Variants in BTRC observed in about 807,000 individuals in gnomAD.
BTRC encodes the protein F-box/WD repeat-containing protein 1A.
Under a neutral mutation model 85.5 loss-of-function variants are expected in BTRC, and 42 were observed. The ratio of observed to expected loss-of-function variants is 0.49; its 90% CI spans 0.38 to 0.64. The LOEUF is 0.64. Among genes scored for constraint, BTRC ranks in the 30% least tolerant of loss-of-function variants. The pLI is 0.00. For missense variants in BTRC, 594 were observed against 743.5 expected (o/e 0.80, Z 2.34); for synonymous variants, 255 against 263.3 (o/e 0.97, Z 0.30).
intron 1 of BTRC, among the ~76,000 whole-genome samples, chr10:101,399,233 G>A (rs1288747503): frequency 6.6e-6 from 1 of 151,720 alleles, no homozygotes; most frequent in African/African-American, 2.4e-5. Context: ...GGGATTACAG[G>A]CGTGAGCCAT....
At chr10:101,449,513 A>G (rs1455745596) in intron 2 of BTRC, among the ~76,000 whole-genome samples, 1 of 152,118 alleles carries the variant, frequency 6.6e-6, no homozygotes, top group African/African-American at 2.4e-5. Context: ...TCTGGATGAA[A>G]TATTTTTGTA....
chr10:101,504,007 A>T (rs1333851090), intron 4 of BTRC, among the ~76,000 whole-genome samples: 1 of 152,142 alleles, frequency 6.6e-6, no homozygotes, highest in Non-Finnish European at 1.5e-5. Context: ...CTGACATCTG[A>T]TGCATTCCCT....
intron 1 of BTRC, among the ~76,000 whole-genome samples, 175 bp from the exon 2 acceptor site, chr10:101,430,170 C>T (rs1245183988): frequency 6.6e-6 from 1 of 152,154 alleles, no homozygotes; most frequent in Non-Finnish European, 1.5e-5. Context: ...ACTACTGCCC[C>T]TTTTGGGATT....
intron 4 of BTRC, among the ~76,000 whole-genome samples, chr10:101,488,566 G>A (rs1016899919): frequency 1.3e-5 from 2 of 152,130 alleles, no homozygotes; most frequent in African/African-American, 4.8e-5. Context: ...AGCCAAATCA[G>A]CTTCTGTTTC....
At chr10:101,511,416 T>C (rs1261168729) in intron 4 of BTRC, among the ~76,000 whole-genome samples, 2 of 152,204 alleles carry the variant, frequency 1.3e-5, no homozygotes, top group African/African-American at 4.8e-5. Flanking sequence ...TCTTTTCTTT[T>C]TCTTTTCTTT....
intron 1 of BTRC, among the ~76,000 whole-genome samples, chr10:101,408,353 C>T (rs1014633370): frequency 4.6e-5 from 7 of 152,028 alleles, no homozygotes; most frequent in African/African-American, 1.7e-4. Context: ...GTCACCCAGG[C>T]TGAAATGCAG....
chr10:101,375,154 G>A (rs1942756710), intron 1 of BTRC, among the ~76,000 whole-genome samples: 1 of 152,184 alleles, frequency 6.6e-6, no homozygotes, highest in Non-Finnish European at 1.5e-5. Context: ...GTTGGAGGTG[G>A]GGCCTGGTAG....
At chr10:101,499,154 T>C (rs1946340448) in intron 4 of BTRC, among the ~76,000 whole-genome samples, 1 of 152,166 alleles carries the variant, frequency 6.6e-6, no homozygotes, top group African/African-American at 2.4e-5. Flanking sequence ...AAAGTGAAGC[T>C]TAAAGAAGGC....
chr10:101,548,821 G>A (rs979199925), intron 13 of BTRC, among the ~76,000 whole-genome samples: 5 of 151,842 alleles, frequency 3.3e-5, no homozygotes, highest in South Asian at 2.1e-4. Flanking sequence ...TTGGGAGGCC[G>A]AGGTGGGCAG....
intron 4 of BTRC, among the ~76,000 whole-genome samples, chr10:101,490,271 TCTTC>T (rs1162291389): frequency 1.3e-5 from 2 of 151,754 alleles, no homozygotes; most frequent in Non-Finnish European, 2.9e-5. Context: ...CTTCCTTTCT[TCTTC>T]CTTCCTTCCT....
intron 2 of BTRC, among the ~76,000 whole-genome samples, chr10:101,446,876 A>AT (rs1490236842): frequency 6.7e-6 from 1 of 149,992 alleles, no homozygotes; most frequent in African/African-American, 2.5e-5. Context: ...GAATTTACTA[A>AT]TTTTTTTCTT....
chr10:101,369,626 C>T (rs1202168471), intron 1 of BTRC, among the ~76,000 whole-genome samples: 2 of 152,142 alleles, frequency 1.3e-5, no homozygotes, highest in Non-Finnish European at 2.9e-5. Flanking sequence ...GGGTGTTAAG[C>T]GTGCTCATTG....
At chr10:101,369,606 G>A (rs1289843977) in intron 1 of BTRC, among the ~76,000 whole-genome samples, 2 of 152,156 alleles carry the variant, frequency 1.3e-5, no homozygotes, top group African/African-American at 2.4e-5. Context: ...ACATGTAGAA[G>A]TCCAGATCTG....
chr10:101,511,168 A>ACCTTAATTCCCACCATTTTT (rs1345147830), intron 4 of BTRC, among the ~76,000 whole-genome samples: 5 of 152,224 alleles, frequency 3.3e-5, no homozygotes, highest in South Asian at 4.2e-4. Flanking sequence ...AGCCCCAGCC[A>ACCTTAATTCCCACCATTTTT]CCTTAATTCC....
At chr10:101,415,931 G>A (rs748378251) in intron 1 of BTRC, among the ~76,000 whole-genome samples, 11 of 151,990 alleles carry the variant, frequency 7.2e-5, no homozygotes, top group Non-Finnish European at 1.3e-4. Context: ...TACAGTATTC[G>A]GTACAGTAAC....
At chr10:101,382,241 C>G (rs1482393947) in intron 1 of BTRC, among the ~76,000 whole-genome samples, 2 of 151,828 alleles carry the variant, frequency 1.3e-5, no homozygotes, top group African/African-American at 4.8e-5. Flanking sequence ...CCTCAGCCTC[C>G]CAAAGTGCTG....
intron 1 of BTRC, among the ~76,000 whole-genome samples, chr10:101,364,065 A>G (rs562414425): frequency 6.6e-6 from 1 of 152,312 alleles, no homozygotes; most frequent in East Asian, 1.9e-4. Flanking sequence ...AACTTGCACA[A>G]TACTATAGTG....
intron 2 of BTRC, among the ~76,000 whole-genome samples, chr10:101,446,495 T>G (rs997797648): frequency 1.3e-5 from 2 of 152,228 alleles, no homozygotes; most frequent in Non-Finnish European, 2.9e-5. Flanking sequence ...CTAAGAATTA[T>G]AATGAGACTG....
At chr10:101,439,607 C>G (rs1004924737) in intron 2 of BTRC, among the ~76,000 whole-genome samples, 1 of 152,174 alleles carries the variant, frequency 6.6e-6, no homozygotes, top group Non-Finnish European at 1.5e-5. Flanking sequence ...CCTTTCTCCC[C>G]CATTTGTCTG....
Sources: allele counts gnomAD v4.1 joint callset (sites outside exome capture counted in the v4.1 genomes callset), GRCh38; gene constraint gnomAD v4.1.1; transcripts MANE v1.5; gene names NCBI Gene and HGNC (gene_info 2026-07-23, HGNC 2026-07-21).